ENOX1: variants seen among roughly 807,000 people sequenced by gnomAD.
ENOX1 encodes candidate growth-related and time keeping constitutive hydroquinone (NADH) oxidase.
Under a neutral mutation model 82.5 loss-of-function variants are expected in ENOX1, and 42 were observed. The observed-to-expected ratio is 0.51, with a 90% CI of 0.40 to 0.66. ENOX1 has a LOEUF of 0.66. ENOX1 is among the 30% of genes least tolerant of loss of function. The pLI, the probability that ENOX1 is intolerant of heterozygous loss-of-function variation, is 0.00. For missense variants in ENOX1, 608 were observed against 811.6 expected, an observed-to-expected ratio of 0.75 and a Z score of 3.05; for synonymous variants, 271 against 282.2, an observed-to-expected ratio of 0.96 and a Z score of 0.40.
chr13:43,470,242 A>G (rs79942645), intron 3 of ENOX1, among the ~76,000 whole-genome samples: 2,021 of 44,972 alleles, frequency 0.045, 67 homozygotes, highest in South Asian at 0.085. Context: ...GTGTGTGTAT[A>G]TATATACATA....
chr13:43,686,413 AGAT>A (rs964524255), intron 1 of ENOX1, among the ~76,000 whole-genome samples: 3 of 152,194 alleles, frequency 2.0e-5, no homozygotes, highest in African/African-American at 7.2e-5. Context: ...ATGAAGGAAA[AGAT>A]GAGCAGAAAA....
At chr13:43,567,430 T>C (rs2079968891) in intron 2 of ENOX1, among the ~76,000 whole-genome samples, 1 of 152,168 alleles carries the variant, frequency 6.6e-6, no homozygotes, top group South Asian at 2.1e-4. Flanking sequence ...ATAATAATTT[T>C]CAATGTTTAA....
chr13:43,559,733 G>T (rs188660559), intron 2 of ENOX1, among the ~76,000 whole-genome samples: 1 of 152,228 alleles, frequency 6.6e-6, no homozygotes, highest in East Asian at 1.9e-4. Flanking sequence ...CATGAAGAAG[G>T]TTAGCAAGAT....
At chr13:43,746,435 G>C (rs537054883) in intron 1 of ENOX1, among the ~76,000 whole-genome samples, 1 of 152,222 alleles carries the variant, frequency 6.6e-6, no homozygotes, top group South Asian at 2.1e-4. Context: ...GAGGAGCTTT[G>C]AAGGGCAGAT....
intron 16 of ENOX1, among the ~76,000 whole-genome samples, chr13:43,218,530 G>A (rs1439008716): frequency 6.6e-6 from 1 of 152,178 alleles, no homozygotes; most frequent in Admixed American, 6.5e-5. Flanking sequence ...GGAGACTGAG[G>A]CAAGAGGATT....
chr13:43,336,529 G>T (rs2048722939), intron 9 of ENOX1, among the ~76,000 whole-genome samples: 1 of 152,196 alleles, frequency 6.6e-6, no homozygotes, highest in Non-Finnish European at 1.5e-5. Context: ...TAACCTCAGG[G>T]TTGAAATGTG....
intron 3 of ENOX1, chr13:43,458,831 C>T (rs1209188412): frequency 2.0e-5 from 3 of 152,178 alleles, no homozygotes; most frequent in African/African-American, 7.2e-5. Flanking sequence ...CTTTGAAACA[C>T]ATATGAGTTT....
At chr13:43,702,853 T>C (rs2086988133) in intron 1 of ENOX1, among the ~76,000 whole-genome samples, 2 of 144,092 alleles carry the variant, frequency 1.4e-5, no homozygotes, top group South Asian at 4.4e-4. Context: ...CTCGGGAGGC[T>C]GAGGCAGAAG....
intron 2 of ENOX1, among the ~76,000 whole-genome samples, chr13:43,631,940 G>A (rs554133925): frequency 7.9e-5 from 12 of 152,164 alleles, no homozygotes; most frequent in South Asian, 2.1e-4. Context: ...CTCCATTGCC[G>A]TCAAGACAAA....
At chr13:43,259,173 AAGTGCAGGGGTTC>A (rs2043916674) in intron 14 of ENOX1, among the ~76,000 whole-genome samples, 1 of 152,158 alleles carries the variant, frequency 6.6e-6, no homozygotes, top group South Asian at 2.1e-4. Flanking sequence ...AACAAAATGG[AAGTGCAGGGGTTC>A]AGTGTATGGC....
chr13:43,635,730 A>T (rs1208411700), intron 2 of ENOX1, among the ~76,000 whole-genome samples: 2 of 152,184 alleles, frequency 1.3e-5, no homozygotes, highest in Non-Finnish European at 1.5e-5. Context: ...CTTGCATTAG[A>T]CTTGCAGTTA....
chr13:43,569,676 A>AAAAC (rs59167799), intron 2 of ENOX1, among the ~76,000 whole-genome samples: 4 of 150,060 alleles, frequency 2.7e-5, no homozygotes, highest in African/African-American at 9.8e-5. Flanking sequence ...TAAAAAAAAA[A>AAAAC]CTGTATTTCT....
chr13:43,351,008 C>T (rs1307077226), intron 8 of ENOX1, among the ~76,000 whole-genome samples: 3 of 152,220 alleles, frequency 2.0e-5, no homozygotes, highest in Non-Finnish European at 4.4e-5. Flanking sequence ...TACACACATA[C>T]ACACACAAGG....
intron 1 of ENOX1, among the ~76,000 whole-genome samples, chr13:43,712,598 G>C (rs7491331): frequency 7.1e-6 from 1 of 141,684 alleles, no homozygotes; most frequent in African/African-American, 2.5e-5. Context: ...TTCATTGAGC[G>C]GTGGTTTGTA....
At position 43,309,025 on chromosome 13, in the gene ENOX1, CT is replaced by C. The variant is rs138771171; in HGVS notation, c.1262-10496del. 6.5e-3 allele frequency among the ~76,000 whole-genome samples: 897 copies of C among 138,502 alleles called. 7 individuals are homozygous for C. Among genetic ancestry groups the C allele is most frequent in the African/African-American group, 0.015 (575 of 37,118 alleles). 90.9% of individuals were successfully genotyped at this position (138,502 alleles called of 152,430 possible). A position where few individuals can be genotyped will look rare whatever the true frequency, so the allele number is the denominator to read the frequency against. On this transcript the variant is annotated intron_variant, in intron 11 of 16. Transcript: ENST00000690772. ...CTCTGACCTCATCTGCTCAAAGTTA[CT>C]TTTTTTTTTTTTTTTTTTCCAGAGT...
intron 2 of ENOX1, among the ~76,000 whole-genome samples, chr13:43,548,999 C>T (rs1439959821): frequency 6.6e-6 from 1 of 152,154 alleles, no homozygotes; most frequent in Admixed American, 6.5e-5. Context: ...GTGTAAAGCC[C>T]TTTCTGATCC....
chr13:43,435,350 T>C (rs1371421453), intron 3 of ENOX1, among the ~76,000 whole-genome samples: 1 of 152,152 alleles, frequency 6.6e-6, no homozygotes, highest in African/African-American at 2.4e-5. Context: ...AGCAGTGTGA[T>C]TGTACATTAC....
At chr13:43,610,471 A>G (rs146631218) in intron 2 of ENOX1, among the ~76,000 whole-genome samples, 56 of 152,324 alleles carry the variant, frequency 3.7e-4, no homozygotes, top group Non-Finnish European at 6.6e-4. Context: ...TTCAACATTT[A>G]TTAGATGGAG....
chr13:43,716,788 C>A (rs199891517), intron 1 of ENOX1, among the ~76,000 whole-genome samples: 24 of 147,884 alleles, frequency 1.6e-4, no homozygotes, highest in Non-Finnish European at 1.8e-4. Context: ...ACAATACCCA[C>A]AAAAAAAAAA....
Sources: gnomAD v4.1 joint callset for allele counts (sites outside exome capture counted in the v4.1 genomes callset) on GRCh38, gnomAD v4.1.1 for gene constraint, MANE v1.5 for transcripts, NCBI Gene and HGNC (gene_info 2026-07-23, HGNC 2026-07-21) for gene names.